CTNNA3: variants seen among roughly 807,000 people sequenced by gnomAD.
CTNNA3 encodes the protein catenin alpha 3.
Under a neutral mutation model 95.7 loss-of-function variants are expected in CTNNA3, and 76 were observed. The ratio of observed to expected loss-of-function variants is 0.79; its 90% confidence interval spans 0.66 to 0.96. The LOEUF (loss-of-function observed/expected upper bound fraction) is 0.96. CTNNA3 is among the 40% of genes least tolerant of loss of function. The pLI is 0.00. For synonymous variants in CTNNA3, 431 were observed against 374.4 expected (o/e 1.15, Z -1.74); for missense variants, 1,191 against 1,089.8 (o/e 1.09, Z -1.31).
chr10:67,575,156 C>G (rs1234272662), intron 3 of CTNNA3, among the ~76,000 whole-genome samples: 1 of 152,106 alleles, frequency 6.6e-6, no homozygotes, highest in Non-Finnish European at 1.5e-5. Flanking sequence ...CTACACTGAT[C>G]TAGTTTATGT....
At chr10:66,013,608 C>A (rs1428486288) in intron 15 of CTNNA3, among the ~76,000 whole-genome samples, 1 of 152,082 alleles carries the variant, frequency 6.6e-6, no homozygotes, top group African/African-American at 2.4e-5. Flanking sequence ...TCAATGAAAA[C>A]CTTTTAGTCA....
chr10:66,860,871 T>C (rs1004022022), intron 7 of CTNNA3, among the ~76,000 whole-genome samples: 1 of 152,204 alleles, frequency 6.6e-6, no homozygotes, highest in Non-Finnish European at 1.5e-5. Context: ...ACCCTATCTG[T>C]TGCTTTCACA....
intron 5 of CTNNA3, among the ~76,000 whole-genome samples, chr10:67,301,803 C>A (rs1277932982): frequency 2.0e-5 from 3 of 151,860 alleles, no homozygotes; most frequent in Non-Finnish European, 4.4e-5. Context: ...CCCGTCTCTA[C>A]TAAAAATACA....
At chr10:67,085,437 A>G (rs1159379317) in intron 7 of CTNNA3, among the ~76,000 whole-genome samples, 1 of 151,932 alleles carries the variant, frequency 6.6e-6, no homozygotes, top group Admixed American at 6.6e-5. Context: ...TAGGTAAGAC[A>G]CTGAGAAGAG....
At chr10:67,679,168 G>T (rs1005459086) in intron 1 of CTNNA3, among the ~76,000 whole-genome samples, 2 of 152,038 alleles carry the variant, frequency 1.3e-5, no homozygotes, top group African/African-American at 4.8e-5. Flanking sequence ...TTAAAGCAGG[G>T]TTTCTCATCT....
At chr10:67,303,599 G>T (rs1454774380) in intron 5 of CTNNA3, among the ~76,000 whole-genome samples, 2 of 152,160 alleles carry the variant, frequency 1.3e-5, no homozygotes, top group Non-Finnish European at 2.9e-5. Context: ...GGCAAGAATG[G>T]TTTCTCAGGA....
intron 7 of CTNNA3, among the ~76,000 whole-genome samples, chr10:67,146,985 G>C (rs183762100): frequency 1.3e-5 from 2 of 152,254 alleles, no homozygotes; most frequent in Admixed American, 6.5e-5. Context: ...TAGGTGTGCA[G>C]TAGTAGGCTA....
At chr10:66,022,238 T>G (rs1304066639) in intron 15 of CTNNA3, among the ~76,000 whole-genome samples, 1 of 152,128 alleles carries the variant, frequency 6.6e-6, no homozygotes, top group African/African-American at 2.4e-5. Context: ...TGTTCAACCT[T>G]CATATGCTGA....
intron 1 of CTNNA3, among the ~76,000 whole-genome samples, chr10:67,653,525 T>C (rs1181927252): frequency 6.6e-6 from 1 of 152,174 alleles, no homozygotes; most frequent in Non-Finnish European, 1.5e-5. Flanking sequence ...GCCACAATCT[T>C]AGGTTCCAGT....
chr10:66,023,075 G>A (rs1427062253), intron 15 of CTNNA3, among the ~76,000 whole-genome samples: 2 of 128,936 alleles, frequency 1.6e-5, no homozygotes, highest in Non-Finnish European at 3.3e-5. Context: ...AACACCTCAC[G>A]GACCAAGTCA....
intron 7 of CTNNA3, among the ~76,000 whole-genome samples, chr10:66,899,971 G>A (rs1023623756): frequency 6.6e-6 from 1 of 152,186 alleles, no homozygotes; most frequent in Non-Finnish European, 1.5e-5. Context: ...AAAGGCCCCT[G>A]TGTGACAGCT....
chr10:66,455,988 T>G (rs1473456436), intron 11 of CTNNA3, among the ~76,000 whole-genome samples: 3 of 152,236 alleles, frequency 2.0e-5, no homozygotes, highest in Admixed American at 2.0e-4. Context: ...GGTATAAATC[T>G]GGCAAAATGT....
chr10:66,438,702 T>C (rs77735912), intron 11 of CTNNA3, among the ~76,000 whole-genome samples: 3 of 152,076 alleles, frequency 2.0e-5, no homozygotes, highest in Non-Finnish European at 4.4e-5. Context: ...GCGGAGTAAA[T>C]GGTTCTGTCT....
At chr10:67,488,815 G>T (rs1041994258) in intron 5 of CTNNA3, among the ~76,000 whole-genome samples, 1 of 151,878 alleles carries the variant, frequency 6.6e-6, no homozygotes, top group Non-Finnish European at 1.5e-5. Context: ...GACTACAGGC[G>T]CATGCCACCG....
At chr10:67,174,904 G>A (rs192798958) in intron 7 of CTNNA3, among the ~76,000 whole-genome samples, 25 of 152,084 alleles carry the variant, frequency 1.6e-4, no homozygotes, top group Middle Eastern at 6.8e-3. Context: ...TTTCTTTTAA[G>A]TTATCCAGAT....
intron 17 of CTNNA3, among the ~76,000 whole-genome samples, chr10:65,959,422 C>A (rs1213855435): frequency 1.3e-5 from 2 of 152,142 alleles, no homozygotes; most frequent in Non-Finnish European, 2.9e-5. Flanking sequence ...GTGAGATGAA[C>A]CCAGTACCTC....
intron 7 of CTNNA3, among the ~76,000 whole-genome samples, chr10:66,798,643 T>C (rs1589266460): frequency 1.3e-5 from 2 of 151,634 alleles, no homozygotes; most frequent in Admixed American, 6.6e-5. Context: ...TTGGAAATAG[T>C]GCATTGAATT....
At chr10:66,664,661 T>A (rs1160531553) in intron 9 of CTNNA3, among the ~76,000 whole-genome samples, 1 of 151,926 alleles carries the variant, frequency 6.6e-6, no homozygotes, top group Admixed American at 6.6e-5. Context: ...TCTCTCCTAC[T>A]CTTCCTGGTA....
rs35513829 is a variant in CTNNA3, at chr10:66,421,897, G to GATATATATATATATATATATATATAT, written c.1532-42546_1532-42545insATATATATATATATATATATATATAT. ...TTTCTAAGAGCTTCATAATAAATGT[G>GATATATATATATATATATATATATAT]ATATATATATATATATATACACACA... On this transcript the variant is annotated intron_variant, in intron 11 of 17. Transcript: ENST00000433211. Among the ~76,000 whole-genome samples the GATATATATATATATATATATATATAT allele has an allele frequency of 4.0e-3, 429 of 107,902 alleles. 4 individuals are homozygous for GATATATATATATATATATATATATAT. Among genetic ancestry groups the GATATATATATATATATATATATATAT allele is most frequent in the African/African-American group, 0.011 (301 of 28,586 alleles). The allele number at this position is 107,902 out of a possible 152,430, so 70.8% of individuals were successfully genotyped here.
Sources: gnomAD v4.1 joint callset for allele counts (sites outside exome capture counted in the v4.1 genomes callset) on GRCh38, gnomAD v4.1.1 for gene constraint, MANE v1.5 for transcripts, NCBI Gene and HGNC (gene_info 2026-07-23, HGNC 2026-07-21) for gene names.